The following DLGAP4 variants were observed in gnomAD, a reference collection of about 807,000 sequenced individuals.
DLGAP4 encodes the protein disks large-associated protein 4.
In DLGAP4, 18 loss-of-function variants were observed where a neutral mutation model predicts 86.9. That is an observed-to-expected ratio of 0.21 (90% CI 0.14 to 0.31). The LOEUF (loss-of-function observed/expected upper bound fraction) is 0.31. Ranked by LOEUF, DLGAP4 falls within the 10% of genes least tolerant of loss-of-function variation. The pLI is 1.00. For synonymous variants in DLGAP4, 548 were observed against 574.3 expected (o/e 0.95, Z 0.65); for missense variants, 1,085 against 1,362.6 (o/e 0.80, Z 3.21).
At chr20:36,423,743 T>C (rs2032896381) in intron 2 of DLGAP4, among the ~76,000 whole-genome samples, 1 of 151,860 alleles carries the variant, frequency 6.6e-6, no homozygotes. Context: ...GGGTGGATCA[T>C]CTGAGGTCAG....
chr20:36,312,252 A>G (rs2065059596), intron 1 of DLGAP4, among the ~76,000 whole-genome samples: 4 of 152,230 alleles, frequency 2.6e-5, no homozygotes, highest in Non-Finnish European at 5.9e-5. Context: ...TGGAGTGACC[A>G]TGACCGGCAG....
intron 1 of DLGAP4, among the ~76,000 whole-genome samples, chr20:36,321,376 T>C (rs182804348): frequency 6.6e-6 from 1 of 152,358 alleles, no homozygotes; most frequent in East Asian, 1.9e-4. Flanking sequence ...GGGCCTCGGC[T>C]GCCCCATGGG....
intron 2 of DLGAP4, among the ~76,000 whole-genome samples, chr20:36,406,098 T>C (rs1212381137): frequency 6.6e-6 from 1 of 151,982 alleles, no homozygotes; most frequent in African/African-American, 2.4e-5. Flanking sequence ...TGGGTGGCAA[T>C]GAAAAATTCA....
At chr20:36,525,212 G>T (rs147626578) in intron 11 of DLGAP4, among the ~76,000 whole-genome samples, 2 of 52,296 alleles carry the variant, frequency 3.8e-5, no homozygotes, top group Non-Finnish European at 6.6e-5. Context: ...GCGAGACTCC[G>T]TCTCAAAAAA....
chr20:36,488,217 A>AT (rs1325274508), intron 7 of DLGAP4, among the ~76,000 whole-genome samples: 3 of 150,454 alleles, frequency 2.0e-5, no homozygotes, highest in Non-Finnish European at 4.4e-5. Context: ...AAAAAAAAAA[A>AT]GCAGTTAGTG....
rs750732614 is a variant in DLGAP4 at position 36,437,267 on chromosome 20, C to G, written c.1241+917C>G. Among the ~76,000 whole-genome samples, 28 of 152,238 alleles carry G rather than the reference C, an allele frequency of 1.8e-4. 1 individual carries two copies. The highest frequency in any genetic ancestry group is 9.8e-4 in the Admixed American group (15 of 15,284). Reference sequence around the variant, plus strand: ...CCCACCCACAGTTCAGCCCTGACCACAGGTGAGCTGCATCCTTTGGTAAAC... The same window carrying G: ...CCCACCCACAGTTCAGCCCTGACCAGAGGTGAGCTGCATCCTTTGGTAAAC... On this transcript the variant is annotated intron_variant, in intron 4 of 12. Transcript: ENST00000339266.
intron 2 of DLGAP4, among the ~76,000 whole-genome samples, chr20:36,413,082 C>G (rs577578212): frequency 6.7e-6 from 1 of 149,788 alleles, no homozygotes; most frequent in Non-Finnish European, 1.5e-5. Context: ...TGGGTTTAAG[C>G]GATTCTTGTG....
chr20:36,444,624 CTTTA>C (rs2033542058), intron 6 of DLGAP4, among the ~76,000 whole-genome samples: 1 of 151,600 alleles, frequency 6.6e-6, no homozygotes, highest in Admixed American at 6.6e-5. Context: ...GACTATGGAA[CTTTA>C]TTTAATTTTA....
rs749210064 is a variant in DLGAP4 at position 36,382,527 on chromosome 20, C to CTT, written c.-73+15271_-73+15272dup. Among the ~76,000 whole-genome samples the CTT allele has an allele frequency of 7.8e-3, 862 of 110,446 alleles. 35 individuals carry two copies. Among genetic ancestry groups the CTT allele is most frequent in the African/African-American group, 0.024 (674 of 27,714 alleles). 72.5% of individuals were successfully genotyped at this position (110,446 alleles called of 152,430 possible). ...CTTTTCTTTCTTTCTTTCTTTTTTT[C>CTT]TTTTTTTTTTTTTTTTTTTTGAGAC... is the stretch of plus-strand genomic sequence containing the variant. On this transcript the variant is annotated intron_variant, in intron 2 of 12. Coordinates refer to ENST00000339266, the MANE Select transcript of DLGAP4 (RefSeq NM_001365621.2).
Position 36,500,742 on chromosome 20 carries a change from TCC to T in DLGAP4, c.2512+133_2512+134del. On this transcript the variant is annotated intron_variant, in intron 10 of 12. Transcript: ENST00000339266. This position sits in a 1 kb window ranked among gnomAD's most constrained non-coding sequence, Gnocchi z 4.6. ...TCTCTTCTTGGGCTAGTTTTTGAGC[TCC>T]CTTCTTACTTTCTTCGCATTCTTCC... 1 of 832,942 alleles carries T rather than the reference TCC, an allele frequency of 1.2e-6. No homozygotes were observed. The highest frequency in any genetic ancestry group is 1.7e-6 in the Non-Finnish European group (1 of 597,020). The allele number at this position is 832,942 out of a possible 1,614,324, so 51.6% of individuals were successfully genotyped here.
intron 1 of DLGAP4, among the ~76,000 whole-genome samples, chr20:36,358,030 G>T (rs547895452): frequency 2.0e-5 from 3 of 152,362 alleles, no homozygotes; most frequent in African/African-American, 7.2e-5. Flanking sequence ...ATTCAGGGGA[G>T]CACTGGACAG....
intron 1 of DLGAP4, among the ~76,000 whole-genome samples, chr20:36,323,134 C>T (rs564191461): frequency 1.5e-5 from 2 of 137,048 alleles, no homozygotes; most frequent in South Asian, 4.9e-4. Context: ...GCCATGTTCT[C>T]ACCACTGCAC....
intron 1 of DLGAP4, among the ~76,000 whole-genome samples, chr20:36,339,866 G>C (rs377200715): frequency 6.6e-6 from 1 of 152,204 alleles, no homozygotes; most frequent in Non-Finnish European, 1.5e-5. Context: ...CGGCAGAGGC[G>C]TTAAGGTGGG....
rs1555893380 is a variant in DLGAP4 at position 36,350,402 on chromosome 20, G to T, written c.-303-16643G>T. On this transcript the variant is annotated intron_variant, in intron 1 of 12. Coordinates refer to ENST00000339266, the MANE Select transcript of DLGAP4 (RefSeq NM_001365621.2). This position sits in a 1 kb window ranked among gnomAD's most constrained non-coding sequence, Gnocchi z 4.4. ...TTATCCATCCACCTGGCCCTGAGGAGGCCCCTTCTCCATCCCCAGCACCTG... is the reference window on the plus strand; with the variant it reads ...TTATCCATCCACCTGGCCCTGAGGATGCCCCTTCTCCATCCCCAGCACCTG... Among the ~76,000 whole-genome samples the T allele has an allele frequency of 1.3e-5, 2 of 152,164 alleles. No individual in the cohort carries two copies. The highest frequency in any genetic ancestry group is 2.9e-5 in the Non-Finnish European group (2 of 68,024).
At chr20:36,362,283 A>G (rs1279149074) in intron 1 of DLGAP4, among the ~76,000 whole-genome samples, 1 of 152,176 alleles carries the variant, frequency 6.6e-6, no homozygotes, top group African/African-American at 2.4e-5. Flanking sequence ...AGAAAAAAAG[A>G]TAGGACATAG....
chr20:36,440,476 C>T (rs941752645), intron 5 of DLGAP4, among the ~76,000 whole-genome samples: 3 of 152,164 alleles, frequency 2.0e-5, no homozygotes, highest in African/African-American at 4.8e-5. Flanking sequence ...CAGTGAGGAG[C>T]ATACTGGGCT....
rs1316167756 is a variant in DLGAP4, at chr20:36,526,956, T to C, written c.2904T>C (p.Ser968=). ...KRLLAAKRAA[S]VRQNSATESA... is the part of the protein sequence containing the mutation. ...TCCTGGCGGCCAAGCGGGCAGCTTC[T>C]GTGCGGCAGAACTCAGCCACCGAGA... is the stretch of plus-strand genomic sequence containing the variant. Residue 968 remains serine (S), a synonymous_variant, in exon 13 of 13, where the codon TCT becomes TCC. Transcript: ENST00000339266. The C allele has an allele frequency of 2.5e-6, 4 of 1,613,552 alleles. No individual in the cohort carries two copies. Among genetic ancestry groups the C allele is most frequent in the Non-Finnish European group, 3.4e-6 (4 of 1,179,890 alleles).
intron 10 of DLGAP4, among the ~76,000 whole-genome samples, chr20:36,510,100 G>A (rs1273768703): frequency 6.6e-6 from 1 of 151,798 alleles, no homozygotes; most frequent in Non-Finnish European, 1.5e-5. Flanking sequence ...GCCTCCCAAA[G>A]TGCTGGGATT....
chr20:36,495,942 G>A (rs138916379), intron 7 of DLGAP4, among the ~76,000 whole-genome samples: 8 of 152,178 alleles, frequency 5.3e-5, no homozygotes, highest in African/African-American at 9.6e-5. Flanking sequence ...GTGCAACCTC[G>A]GCTCACTGCA....
Sources: gnomAD v4.1 joint callset for allele counts (sites outside exome capture counted in the v4.1 genomes callset) on GRCh38, gnomAD v4.1.1 for gene constraint, Gnocchi (gnomAD v3.1) non-coding constraint, MANE v1.5 for transcripts, NCBI Gene and HGNC (gene_info 2026-07-23, HGNC 2026-07-21) for gene names.